The following CUL5 variants were observed in gnomAD, a reference collection of about 807,000 sequenced individuals.
CUL5 encodes the protein cullin 5, also known as cullin-5.
CUL5 carries 26 observed loss-of-function variants against 108.8 expected under a neutral mutation model. That is an observed-to-expected ratio of 0.24 (90% CI 0.18 to 0.33). The LOEUF (loss-of-function observed/expected upper bound fraction) is 0.33. CUL5 is among the 10% of genes least tolerant of loss of function. The probability of loss-of-function intolerance (pLI) is 1.00; values close to 1 mark genes in which losing one functional copy is unlikely to be tolerated. For synonymous variants in CUL5, 334 were observed against 298.0 expected, an observed-to-expected ratio of 1.12 and a Z score of -1.25; for missense variants, 524 against 909.2, an observed-to-expected ratio of 0.58 and a Z score of 5.45.
intron 11 of CUL5, among the ~76,000 whole-genome samples, chr11:108,082,448 A>G (rs1385847785): frequency 2.0e-5 from 3 of 151,682 alleles, no homozygotes; most frequent in Non-Finnish European, 4.4e-5. Flanking sequence ...ACCTGGCTAT[A>G]TTATTTTTTG....
chr11:108,104,683 T>C lies in CUL5; in HGVS notation c.*299T>C, dbSNP rs1299278477. On this transcript the variant is annotated 3_prime_UTR_variant, in exon 19 of 19. Coordinates refer to ENST00000393094, the MANE Select transcript of CUL5 (RefSeq NM_003478.6). ...TTTGTACCCACCAGGAGAAATACAG[T>C]TGGGAAGGGTGAGGGTGGGGTTCTT... The C allele has an allele frequency of 1.5e-5, 3 of 202,562 alleles. No homozygotes were observed. The highest frequency in any genetic ancestry group is 4.6e-5 in the African/African-American group (2 of 43,560). The allele number at this position is 202,562 out of a possible 1,614,324, so 12.5% of individuals were successfully genotyped here. A position where few individuals can be genotyped will look rare whatever the true frequency, so the allele number is the denominator to read the frequency against.
At position 108,041,496 on chromosome 11, in the gene CUL5, C is replaced by T. The variant is rs941211210; in HGVS notation, c.135-4774C>T. On this transcript the variant is annotated intron_variant, in intron 2 of 18. Transcript: ENST00000393094. ...TTCACTATGTTGACCAGACTGGTCG[C>T]GAACTCCTGACCTCAGGTGATCCAC... Among the ~76,000 whole-genome samples, 7 of 151,946 alleles carry T rather than the reference C, an allele frequency of 4.6e-5. No individual in the cohort carries two copies. The South Asian group carries it at 6.2e-4, about 14-fold the overall frequency.
intron 16 of CUL5, among the ~76,000 whole-genome samples, chr11:108,097,384 T>C (rs1864527987): frequency 6.6e-6 from 1 of 152,250 alleles, no homozygotes; most frequent in Non-Finnish European, 1.5e-5. Context: ...TGGTGTTTAC[T>C]ATGGTCCTGT....
rs1450619009 is a variant in CUL5, at chr11:108,105,230, T to A, written c.*846T>A. 1.3e-5 allele frequency: 2 copies of A among 152,200 alleles called. No homozygotes were observed. Among genetic ancestry groups the A allele is most frequent in the Non-Finnish European group, 2.9e-5 (2 of 67,994 alleles). 9.4% of individuals were successfully genotyped at this position (152,200 alleles called of 1,614,324 possible). A position where few individuals can be genotyped will look rare whatever the true frequency, so the allele number is the denominator to read the frequency against. On this transcript the variant is annotated 3_prime_UTR_variant, in exon 19 of 19. Transcript: ENST00000393094. ...ATATTAAGTGTGTTTACTAAACATA[T>A]TGTGTGTTTACTAACACACTTAATG...
intron 11 of CUL5, among the ~76,000 whole-genome samples, chr11:108,086,974 A>AT (rs1271595803): frequency 3.3e-5 from 5 of 151,586 alleles, no homozygotes; most frequent in Non-Finnish European, 5.9e-5. Context: ...TTTTTATTTT[A>AT]TTTTTTTCAT....
chr11:108,042,305 C>T (rs563305479), intron 2 of CUL5, among the ~76,000 whole-genome samples: 1 of 150,672 alleles, frequency 6.6e-6, no homozygotes, highest in South Asian at 2.1e-4. Context: ...CTGCAACCTC[C>T]ACCCCCGGGT....
At chr11:108,097,255 A>G (rs1010311841) in intron 16 of CUL5, among the ~76,000 whole-genome samples, 49 of 152,204 alleles carry the variant, frequency 3.2e-4, no homozygotes, top group African/African-American at 1.1e-3. Flanking sequence ...AGCTCAAGTA[A>G]TCTGCCTGCC....
intron 10 of CUL5, among the ~76,000 whole-genome samples, chr11:108,074,693 C>G (rs572144942): frequency 2.0e-5 from 3 of 152,134 alleles, no homozygotes; most frequent in Non-Finnish European, 4.4e-5. Flanking sequence ...GTAATTCCAG[C>G]TACTTAGGAG....
chr11:108,101,607 C>T (rs1308683712), intron 18 of CUL5, among the ~76,000 whole-genome samples: 1 of 152,212 alleles, frequency 6.6e-6, no homozygotes, highest in African/African-American at 2.4e-5. Context: ...ATTAAAGGCC[C>T]TGTGGCAGGT....
intron 3 of CUL5, among the ~76,000 whole-genome samples, chr11:108,048,124 T>G (rs1461740341): frequency 6.6e-6 from 1 of 152,058 alleles, no homozygotes; most frequent in East Asian, 1.9e-4. Context: ...AGAAATTTTT[T>G]TTTTTTTTTC....
intron 2 of CUL5, among the ~76,000 whole-genome samples, chr11:108,036,643 A>G (rs547643574): frequency 1.3e-5 from 2 of 152,130 alleles, no homozygotes; most frequent in East Asian, 3.9e-4. Context: ...GTGCCAGGCT[A>G]ATTTTTGTAT....
At chr11:108,070,340 A>G (rs1863789847) in intron 8 of CUL5, 151 bp downstream of exon 8, 1 of 531,654 alleles carries the variant, frequency 1.9e-6, no homozygotes. Flanking sequence ...TAGATAAAAT[A>G]TTTAACACAG....
chr11:108,046,684 T>G (rs1226194616), intron 3 of CUL5, among the ~76,000 whole-genome samples: 1 of 152,228 alleles, frequency 6.6e-6, no homozygotes, highest in African/African-American at 2.4e-5. Context: ...AGATCTTTTT[T>G]TTTCTCTCAT....
At chr11:108,042,126 T>C (rs1344762005) in intron 2 of CUL5, among the ~76,000 whole-genome samples, 1 of 152,118 alleles carries the variant, frequency 6.6e-6, no homozygotes, top group Non-Finnish European at 1.5e-5. Flanking sequence ...CCAATTTTTT[T>C]CTTATCACTT....
In CUL5 at chr11:108,104,008, A is replaced by G. The variant is rs992845398; in HGVS notation, c.2149-182A>G. Among the ~76,000 whole-genome samples, 115 of 152,100 alleles carry G rather than the reference A, an allele frequency of 7.6e-4. 2 individuals carry two copies. Among genetic ancestry groups the G allele is most frequent in the Non-Finnish European group, 2.4e-4 (16 of 68,012 alleles). Reference sequence around the variant, plus strand: ...TCTCTTTTATGGGGCATGAGAAAACAAAAGATGTTTTTATTTGTTAAGTAA... The same window carrying G: ...TCTCTTTTATGGGGCATGAGAAAACGAAAGATGTTTTTATTTGTTAAGTAA... On this transcript the variant is annotated intron_variant, in intron 18 of 18. Transcript: ENST00000393094.
intron 7 of CUL5, among the ~76,000 whole-genome samples, chr11:108,062,720 G>T (rs1201890890): frequency 6.6e-6 from 1 of 151,910 alleles, no homozygotes; most frequent in East Asian, 1.9e-4. Flanking sequence ...TTTATCCTTT[G>T]TGTTACAGAC....
chr11:108,034,030 G>C, intron 2 of CUL5, 119 bp downstream of exon 2: 1 of 646,642 alleles, frequency 1.5e-6, no homozygotes, highest in Non-Finnish European at 2.7e-6. Context: ...AGTATTACTA[G>C]TTACATTGAG....
intron 7 of CUL5, among the ~76,000 whole-genome samples, chr11:108,057,514 TTC>T (rs1234806609): frequency 6.6e-6 from 1 of 152,202 alleles, no homozygotes; most frequent in Admixed American, 6.5e-5. Context: ...ACAATATTAT[TTC>T]TGTTTTACTC....
At chr11:108,078,312 C>CA in intron 11 of CUL5, 72 bp downstream of exon 11, 1 of 732,342 alleles carries the variant, frequency 1.4e-6, no homozygotes, top group South Asian at 2.3e-5. Context: ...ACTAGGTATA[C>CA]AAAGTACCCT....
Sources: allele counts gnomAD v4.1 joint callset (sites outside exome capture counted in the v4.1 genomes callset), GRCh38; gene constraint gnomAD v4.1.1; transcripts MANE v1.5; gene names NCBI Gene and HGNC (gene_info 2026-07-23, HGNC 2026-07-21).